SPAG16: variants seen among roughly 807,000 people sequenced by gnomAD.
SPAG16 encodes the protein sperm-associated antigen 16 protein.
In SPAG16, 86 loss-of-function variants were observed where a neutral mutation model predicts 80.4. The ratio of observed to expected loss-of-function variants is 1.07; its 90% CI spans 0.90 to 1.28. The LOEUF (loss-of-function observed/expected upper bound fraction) is 1.28, where lower values mean the gene tolerates loss of function less well. Ranked by LOEUF, SPAG16 falls within the 50% of genes most tolerant of loss-of-function variation. SPAG16 has a pLI of 0.00. For synonymous variants in SPAG16, 294 were observed against 265.9 expected (o/e 1.11, Z -1.03); for missense variants, 870 against 765.3 (o/e 1.14, Z -1.61).
intron 9 of SPAG16, among the ~76,000 whole-genome samples, chr2:213,437,360 T>C (rs1463582487): frequency 6.6e-6 from 1 of 152,204 alleles, no homozygotes; most frequent in Non-Finnish European, 1.5e-5. Context: ...TAATATCCCA[T>C]TTTTGAAAAT....
At chr2:214,019,885 T>C (rs1044944174) in intron 13 of SPAG16, among the ~76,000 whole-genome samples, 19 of 152,172 alleles carry the variant, frequency 1.2e-4, no homozygotes, top group African/African-American at 4.3e-4. Context: ...ACACAGACTC[T>C]CAGGGACAAT....
chr2:214,345,547 G>A (rs754130211), intron 15 of SPAG16, among the ~76,000 whole-genome samples: 3 of 151,912 alleles, frequency 2.0e-5, no homozygotes, highest in Non-Finnish European at 4.4e-5. Context: ...TATTTAAAAA[G>A]ACAACTATTA....
intron 5 of SPAG16, among the ~76,000 whole-genome samples, chr2:213,322,450 T>C (rs1202068016): frequency 6.6e-6 from 1 of 151,858 alleles, no homozygotes; most frequent in Non-Finnish European, 1.5e-5. Context: ...TTTTTCTCAG[T>C]TGGCCTTGGA....
chr2:213,903,831 G>A (rs374085458), intron 11 of SPAG16, among the ~76,000 whole-genome samples: 86 of 152,162 alleles, frequency 5.7e-4, no homozygotes, highest in African/African-American at 1.8e-3. Flanking sequence ...TGAATGTTTC[G>A]CTGCTTAGAA....
At chr2:213,653,627 C>T (rs1166802320) in intron 10 of SPAG16, among the ~76,000 whole-genome samples, 1 of 152,162 alleles carries the variant, frequency 6.6e-6, no homozygotes, top group Non-Finnish European at 1.5e-5. Flanking sequence ...TTTGAGAAAA[C>T]AATGTGTATA....
chr2:213,772,440 ATCT>A (rs1199487743), intron 10 of SPAG16, among the ~76,000 whole-genome samples: 1 of 152,152 alleles, frequency 6.6e-6, no homozygotes, highest in Non-Finnish European at 1.5e-5. Context: ...GTAGCAAATA[ATCT>A]TCTAACATAA....
At chr2:213,806,891 A>G (rs571054069) in intron 10 of SPAG16, among the ~76,000 whole-genome samples, 28 of 152,184 alleles carry the variant, frequency 1.8e-4, no homozygotes, top group Non-Finnish European at 2.8e-4. Flanking sequence ...AAAGGGATAC[A>G]TGTGTTTCTT....
Position 214,171,850 on chromosome 2 carries a change from GT to G in SPAG16, c.1720+22591del, listed in dbSNP as rs928631904. 5.9e-5 allele frequency among the ~76,000 whole-genome samples: 9 copies of G among 151,862 alleles called. No individual in the cohort carries two copies. In the South Asian group the frequency reaches 6.2e-4, roughly 11 times the overall value. ...ATATTTTAAGTGAAAAGTTATTAATGTTTTTTTCTTTTTAAAATACATTTTA... is the reference window on the plus strand; with the variant it reads ...ATATTTTAAGTGAAAAGTTATTAATGTTTTTTCTTTTTAAAATACATTTTA... On this transcript the variant is annotated intron_variant, in intron 15 of 15. Transcript: ENST00000331683.
chr2:214,126,272 C>T (rs1000073893), intron 14 of SPAG16, among the ~76,000 whole-genome samples: 2 of 151,040 alleles, frequency 1.3e-5, no homozygotes, highest in African/African-American at 4.8e-5. Flanking sequence ...TTCTATGACT[C>T]GCCTTAGGGA....
chr2:214,110,534 G>C (rs6717536), intron 14 of SPAG16, among the ~76,000 whole-genome samples: 146,853 of 152,278 alleles, frequency 0.96, 70,950 homozygotes, highest in Non-Finnish European at 0.99. Flanking sequence ...TCCAGTCTAT[G>C]ATTGATGGAC....
chr2:214,263,753 A>G (rs889336865), intron 15 of SPAG16, among the ~76,000 whole-genome samples: 2 of 152,214 alleles, frequency 1.3e-5, no homozygotes, highest in Non-Finnish European at 2.9e-5. Flanking sequence ...AATGATTTTT[A>G]ACTCCTGTAA....
chr2:213,768,451 C>A (rs536942429), intron 10 of SPAG16, among the ~76,000 whole-genome samples: 1 of 152,090 alleles, frequency 6.6e-6, no homozygotes, highest in Admixed American at 6.6e-5. Flanking sequence ...AGAGTTCTAA[C>A]TTAGACTAGT....
At chr2:213,753,017 T>A (rs2068150529) in intron 10 of SPAG16, among the ~76,000 whole-genome samples, 1 of 152,186 alleles carries the variant, frequency 6.6e-6, no homozygotes, top group African/African-American at 2.4e-5. Context: ...ATTTTTTCAA[T>A]TTTTTTCTTT....
intron 12 of SPAG16, among the ~76,000 whole-genome samples, chr2:213,989,692 A>T (rs2046186592): frequency 6.6e-6 from 1 of 152,170 alleles, no homozygotes; most frequent in Admixed American, 6.6e-5. Flanking sequence ...GCAAATAAAG[A>T]GTTAATACTA....
chr2:213,699,839 G>T (rs184538174), intron 10 of SPAG16, among the ~76,000 whole-genome samples: 2 of 152,262 alleles, frequency 1.3e-5, no homozygotes, highest in African/African-American at 4.8e-5. Flanking sequence ...TGTGCTGTTT[G>T]ATTACATTTG....
At chr2:214,309,956 G>A (rs191827996) in intron 15 of SPAG16, among the ~76,000 whole-genome samples, 1 of 152,148 alleles carries the variant, frequency 6.6e-6, no homozygotes, top group Non-Finnish European at 1.5e-5. Context: ...TTTTTTGTTG[G>A]TTTTCAACTT....
At chr2:214,054,860 T>A (rs1476039703) in intron 13 of SPAG16, among the ~76,000 whole-genome samples, 1 of 152,212 alleles carries the variant, frequency 6.6e-6, no homozygotes, top group East Asian at 1.9e-4. Flanking sequence ...TGTAAATATA[T>A]GACAATTAGC....
At chr2:213,844,961 A>C (rs2074540196) in intron 10 of SPAG16, among the ~76,000 whole-genome samples, 1 of 152,188 alleles carries the variant, frequency 6.6e-6, no homozygotes. Flanking sequence ...GTGAAGAGTG[A>C]ATCTGGAATT....
chr2:213,344,319 A>G (rs990788465), intron 6 of SPAG16, among the ~76,000 whole-genome samples: 1 of 151,984 alleles, frequency 6.6e-6, no homozygotes, highest in Non-Finnish European at 1.5e-5. Context: ...AGCGTTGGCT[A>G]TCTTTTTCCA....
Sources: gnomAD v4.1 joint callset for allele counts (sites outside exome capture counted in the v4.1 genomes callset) on GRCh38, gnomAD v4.1.1 for gene constraint, MANE v1.5 for transcripts, NCBI Gene and HGNC (gene_info 2026-07-23, HGNC 2026-07-21) for gene names.